Variants in GPR3 observed in about 807,000 individuals in gnomAD.
The protein encoded by GPR3 is ACCA orphan receptor.
In GPR3, 16 loss-of-function variants were observed where a neutral mutation model predicts 18.2. That is an observed-to-expected ratio of 0.88 (90% CI 0.60 to 1.34). The LOEUF is 1.34. GPR3 is among the 40% of genes most tolerant of loss of function. The probability of loss-of-function intolerance (pLI) is 0.00; values close to 1 mark genes in which losing one functional copy is unlikely to be tolerated. For missense variants in GPR3, 326 were observed against 427.6 expected (o/e 0.76, Z 2.10); for synonymous variants, 183 against 188.9 (o/e 0.97, Z 0.26).
chr1:27,394,664 A>G lies in GPR3; in HGVS notation c.866A>G (p.Asn289Ser). 1 of 1,613,738 alleles carries G rather than the reference A, an allele frequency of 6.2e-7. No homozygotes were observed. Among genetic ancestry groups the G allele is most frequent in the African/African-American group, 1.3e-5 (1 of 74,852 alleles). The change falls in exon 2 of 2, where the codon AAC becomes AGC. Residue 289 changes from asparagine to serine, a missense_variant. By Grantham distance (46) the Asn-to-Ser change is conservative. Transcript: ENST00000374024. ...TYLTLLPATY[N>S]SMINPIIYAF... ...CTTACCTTGCTCCCTGCCACCTACA[A>G]CTCCATGATCAACCCTATCATCTAC... is the stretch of plus-strand genomic sequence containing the variant.
chr1:27,394,170 C>T lies in GPR3; in HGVS notation c.372C>T (p.Ile124=), dbSNP rs369388980. 131 of 1,613,816 alleles carry T rather than the reference C, an allele frequency of 8.1e-5. 1 individual carries two copies. The South Asian group carries it at 1.2e-3, about 15-fold the overall frequency. The change falls in exon 2 of 2, where the codon ATC becomes ATT. Residue 124 remains isoleucine, a synonymous_variant. Coordinates refer to ENST00000374024, the MANE Select transcript of GPR3 (RefSeq NM_005281.4). ...TGGCAATGGCCTTTACCGCCAGCAT[C>T]GGCAGTCTACTGGCCATCACTGTCG... ...GVLAMAFTAS[I]GSLLAITVDR... is the part of the protein sequence containing the mutation.
Position 27,394,825 on chromosome 1 carries a change from A to G in GPR3, c.*34A>G, listed in dbSNP as rs765838204. The G allele has an allele frequency of 2.5e-6, 4 of 1,592,892 alleles. No homozygotes were observed. The highest frequency in any genetic ancestry group is 1.7e-6 in the Non-Finnish European group (2 of 1,167,660). The stretch of plus-strand genomic sequence containing the variant: ...TCATGACCCTTCAACCCTGATTACT[A>G]CAGAATTCCAGAATGTTAGGCTCTC... On this transcript the variant is annotated 3_prime_UTR_variant, in exon 2 of 2. Transcript: ENST00000374024.
In GPR3 at chr1:27,394,611, T is replaced by G. The variant is rs756442331; in HGVS notation, c.813T>G (p.Asp271Glu). ...LPFTVYCLLGDAHSPPLYTYL... is the reference protein window; with the variant it reads ...LPFTVYCLLGEAHSPPLYTYL... ...TCACTGTCTACTGCCTGCTGGGTGA[T>G]GCCCACTCTCCACCTCTCTACACCT... The change falls in exon 2 of 2, where the codon GAT (aspartate) becomes GAG (glutamate). Residue 271 changes from aspartate (D) to glutamate (E), a missense_variant. Physicochemically the swap from Asp to Glu is conservative, Grantham distance 45. Coordinates refer to ENST00000374024, the MANE Select transcript of GPR3 (RefSeq NM_005281.4). The G allele has an allele frequency of 3.1e-6, 5 of 1,614,172 alleles. No homozygotes were observed. Among genetic ancestry groups the G allele is most frequent in the Non-Finnish European group, 4.2e-6 (5 of 1,180,028 alleles).
In GPR3 at chr1:27,393,922, G is replaced by A. The variant is rs200096116; in HGVS notation, c.124G>A (p.Ala42Thr). 8 of 1,611,262 alleles carry A rather than the reference G, an allele frequency of 5.0e-6. No individual in the cohort carries two copies. Among genetic ancestry groups the A allele is most frequent in the Non-Finnish European group, 5.9e-6 (7 of 1,179,340 alleles). ...AGCCGCACCACTGCCCTCGCCTAAG[G>A]CCTGGGATGTGGTGCTCTGCATCTC... ...GPAAPLPSPK[A>T]WDVVLCISGT... Residue 42 changes from alanine (A) to threonine (T), a missense_variant, in exon 2 of 2, where the codon GCC becomes ACC. Physicochemically the swap from Ala to Thr is moderately conservative, Grantham distance 58. Coordinates refer to ENST00000374024, the MANE Select transcript of GPR3 (RefSeq NM_005281.4).
chr1:27,394,461 C>A lies in GPR3; in HGVS notation c.663C>A (p.Cys221Ter), dbSNP rs776473652. 6.2e-7 allele frequency: 1 copy of A among 1,614,152 alleles called. No individual in the cohort carries two copies. Among genetic ancestry groups the A allele is most frequent in the South Asian group, 1.1e-5 (1 of 91,088 alleles). ...ACGCCCAAATCTGCCGCATCGTCTG[C>A]CGCCATGCCCAGCAGATTGCCCTTC... Reference protein sequence around the residue: ...QLYAQICRIVCRHAQQIALQR... With the variant: ...QLYAQICRIV The change falls in exon 2 of 2, where the codon TGC becomes TGA. Residue 221 changes from cysteine (C) to a stop codon, truncating the protein, a stop_gained. Transcript: ENST00000374024. LOFTEE classifies it high-confidence loss of function.
At position 27,394,444 on chromosome 1, in the gene GPR3, A is replaced by ATCTGCCGCATCG. The variant is rs1230892017; in HGVS notation, c.655_666dup (p.Ile219_Arg222dup). ...CATCATGCTGCAGCTCTACGCCCAA[A>ATCTGCCGCATCG]TCTGCCGCATCGTCTGCCGCCATGC... is the stretch of plus-strand genomic sequence containing the variant. On this transcript the variant is annotated inframe_insertion, in exon 2 of 2. Coordinates refer to ENST00000374024, the MANE Select transcript of GPR3 (RefSeq NM_005281.4). 1.2e-6 allele frequency: 2 copies of ATCTGCCGCATCG among 1,614,108 alleles called. No homozygotes were observed. The highest frequency in any genetic ancestry group is 2.7e-5 in the African/African-American group (2 of 75,050).
Position 27,394,217 on chromosome 1 carries a change from A to G in GPR3, c.419A>G (p.Asn140Ser), listed in dbSNP as rs1557587962. 1 of 1,613,776 alleles carries G rather than the reference A, an allele frequency of 6.2e-7. No homozygotes were observed. Among genetic ancestry groups the G allele is most frequent in the East Asian group, 2.2e-5 (1 of 44,876 alleles). The change falls in exon 2 of 2, where the codon AAT (asparagine) becomes AGT (serine). Residue 140 changes from asparagine to serine, a missense_variant. Transcript: ENST00000374024. ...GTCGACCGCTACCTTTCTCTGTACA[A>G]TGCCCTCACCTACTATTCAGAGACA... ...ITVDRYLSLY[N>S]ALTYYSETTV...
rs1204857099 is a variant in GPR3, at chr1:27,395,555, T to C, written c.*764T>C. ...AACCAAAAATTCCTCTGCGCTGGGG[T>C]CCGACTGCCCTCTGGTGGCCATTTG... On this transcript the variant is annotated 3_prime_UTR_variant, in exon 2 of 2. Transcript: ENST00000374024. 1 of 167,030 alleles carries C rather than the reference T, an allele frequency of 6.0e-6. No individual in the cohort carries two copies. The highest frequency in any genetic ancestry group is 6.5e-5 in the Admixed American group (1 of 15,284). 10.3% of individuals were successfully genotyped at this position (167,030 alleles called of 1,614,324 possible).
chr1:27,393,504 CCTT>C (rs1259584625), intron 1 of GPR3, among the ~76,000 whole-genome samples: 2 of 152,140 alleles, frequency 1.3e-5, no homozygotes, highest in Non-Finnish European at 2.9e-5. Flanking sequence ...TTATAGTACC[CCTT>C]CTTCTGTCTC....
Position 27,394,846 on chromosome 1 carries a change from C to A in GPR3, c.*55C>A. The A allele has an allele frequency of 6.4e-7, 1 of 1,559,220 alleles. No homozygotes were observed. Among genetic ancestry groups the A allele is most frequent in the Non-Finnish European group, 8.7e-7 (1 of 1,146,446 alleles). On this transcript the variant is annotated 3_prime_UTR_variant, in exon 2 of 2. Coordinates refer to ENST00000374024, the MANE Select transcript of GPR3 (RefSeq NM_005281.4). Reference sequence around the variant, plus strand: ...TACTACAGAATTCCAGAATGTTAGGCTCTCCAGGGCTTCTTTCCAAACCCC... The same window carrying A: ...TACTACAGAATTCCAGAATGTTAGGATCTCCAGGGCTTCTTTCCAAACCCC...
rs1052657958 is a variant in GPR3, at chr1:27,395,124, G to A, written c.*333G>A. ...CTTGACCTTGACCATGTCACTTTAT[G>A]TTTGAATTTCTGAGCTAAAGAGTCA... On this transcript the variant is annotated 3_prime_UTR_variant, in exon 2 of 2. Coordinates refer to ENST00000374024, the MANE Select transcript of GPR3 (RefSeq NM_005281.4). 1.2e-5 allele frequency: 4 copies of A among 325,306 alleles called. No homozygotes were observed. The highest frequency in any genetic ancestry group is 2.4e-5 in the Non-Finnish European group (4 of 167,744). The allele number at this position is 325,306 out of a possible 1,614,324, so 20.2% of individuals were successfully genotyped here.
rs1007492870 is a variant in GPR3, at chr1:27,392,723, G to A, written c.-20G>A. 6.6e-5 allele frequency: 10 copies of A among 152,138 alleles called. No homozygotes were observed. Among genetic ancestry groups the A allele is most frequent in the African/African-American group, 2.2e-4 (9 of 41,446 alleles). The allele number at this position is 152,138 out of a possible 1,614,324, so 9.4% of individuals were successfully genotyped here. ...CGGAGCCTCCCCGCGGCCCGGCCGC[G>A]CCTGGTCCTGAGCGGTGAGTAGCGG... On this transcript the variant is annotated 5_prime_UTR_variant, in exon 1 of 2. Coordinates refer to ENST00000374024, the MANE Select transcript of GPR3 (RefSeq NM_005281.4).
Position 27,393,835 on chromosome 1 carries a change from T to C in GPR3, c.37T>C (p.Ser13Pro), listed in dbSNP as rs769247337. ...TGCAGGCAGCCCTCTGGCCTGGCTC[T>C]CAGCTGGCTCAGGCAACGTGAATGT... The part of the protein sequence containing the change: ...WGAGSPLAWL[S>P]AGSGNVNVSS... Residue 13 changes from serine (S) to proline (P), a missense_variant, in exon 2 of 2, where the codon TCA (serine) becomes CCA (proline). Physicochemically the swap from Ser to Pro is moderately conservative, Grantham distance 74. Coordinates refer to ENST00000374024, the MANE Select transcript of GPR3 (RefSeq NM_005281.4). 2 of 1,566,376 alleles carry C rather than the reference T, an allele frequency of 1.3e-6. No individual in the cohort carries two copies. The highest frequency in any genetic ancestry group is 1.7e-4 in the Middle Eastern group (1 of 5,856).
chr1:27,395,088 C>A lies in GPR3; in HGVS notation c.*297C>A. ...GCCATTCCAAGTCCCAGATGTCCCT[C>A]TTCCCCCAAACTTGACCTTGACCAT... On this transcript the variant is annotated 3_prime_UTR_variant, in exon 2 of 2. Coordinates refer to ENST00000374024, the MANE Select transcript of GPR3 (RefSeq NM_005281.4). The A allele has an allele frequency of 2.4e-6, 1 of 417,898 alleles. No individual in the cohort carries two copies. The allele number at this position is 417,898 out of a possible 1,614,324, so 25.9% of individuals were successfully genotyped here.
chr1:27,393,681 G>A (rs923126723), intron 1 of GPR3, 113 bp from the exon 2 acceptor site: 66 of 880,150 alleles, frequency 7.5e-5, no homozygotes, highest in Non-Finnish European at 1.1e-4. Flanking sequence ...GACCCTATCA[G>A]GTATCCTGAG....
intron 1 of GPR3, among the ~76,000 whole-genome samples, chr1:27,393,505 C>T (rs963332901): frequency 1.3e-5 from 2 of 152,152 alleles, no homozygotes; most frequent in African/African-American, 2.4e-5. Flanking sequence ...TATAGTACCC[C>T]TTCTTCTGTC....
In GPR3 at chr1:27,394,394, C is replaced by T. The variant is rs1388651656; in HGVS notation, c.596C>T (p.Ala199Val). The T allele has an allele frequency of 1.2e-6, 2 of 1,614,126 alleles. No homozygotes were observed. Among genetic ancestry groups the T allele is most frequent in the Non-Finnish European group, 8.5e-7 (1 of 1,180,028 alleles). Reference protein sequence around the residue: ...PLSKNHLVVLAIAFFMVFGIM... With the variant: ...PLSKNHLVVLVIAFFMVFGIM... ...TCCAAGAACCATCTGGTAGTTCTGG[C>T]CATTGCCTTCTTCATGGTGTTTGGC... is the stretch of plus-strand genomic sequence containing the variant. Residue 199 changes from alanine (A) to valine (V), a missense_variant, in exon 2 of 2, where the codon GCC becomes GTC. Physicochemically the swap from Ala to Val is moderately conservative, Grantham distance 64 (BLOSUM62 0). Coordinates refer to ENST00000374024, the MANE Select transcript of GPR3 (RefSeq NM_005281.4).
In GPR3 at chr1:27,393,961, T is replaced by A. The variant is rs1557587689; in HGVS notation, c.163T>A (p.Ser55Thr). 7 of 1,611,636 alleles carry A rather than the reference T, an allele frequency of 4.3e-6. No homozygotes were observed. Among genetic ancestry groups the A allele is most frequent in the Non-Finnish European group, 5.9e-6 (7 of 1,179,392 alleles). Reference sequence around the variant, plus strand: ...GCTCTGCATCTCAGGCACCCTGGTGTCCTGCGAGAATGCGCTAGTGGTGGC... The same window carrying A: ...GCTCTGCATCTCAGGCACCCTGGTGACCTGCGAGAATGCGCTAGTGGTGGC... Reference protein sequence around the residue: ...VVLCISGTLVSCENALVVAII... With the variant: ...VVLCISGTLVTCENALVVAII... The change falls in exon 2 of 2, where the codon TCC becomes ACC. Residue 55 changes from serine to threonine, a missense_variant. Coordinates refer to ENST00000374024, the MANE Select transcript of GPR3 (RefSeq NM_005281.4).
At position 27,394,432 on chromosome 1, in the gene GPR3, C is replaced by T. The variant is rs749456477; in HGVS notation, c.634C>T (p.Leu212Phe). 1 of 1,614,160 alleles carries T rather than the reference C, an allele frequency of 6.2e-7. No homozygotes were observed. The highest frequency in any genetic ancestry group is 8.5e-7 in the Non-Finnish European group (1 of 1,180,036). Residue 212 changes from leucine to phenylalanine, a missense_variant, in exon 2 of 2, where the codon CTC becomes TTC. Leu to Phe is a conservative substitution (Grantham distance 22, BLOSUM62 0). Coordinates refer to ENST00000374024, the MANE Select transcript of GPR3 (RefSeq NM_005281.4). ...CATGGTGTTTGGCATCATGCTGCAGCTCTACGCCCAAATCTGCCGCATCGT... is the reference window on the plus strand; with the variant it reads ...CATGGTGTTTGGCATCATGCTGCAGTTCTACGCCCAAATCTGCCGCATCGT... ...FFMVFGIMLQ[L>F]YAQICRIVCR...
Sources: gnomAD v4.1 joint callset for allele counts (sites outside exome capture counted in the v4.1 genomes callset) on GRCh38, gnomAD v4.1.1 for gene constraint, MANE v1.5 for transcripts, NCBI Gene and HGNC (gene_info 2026-07-23, HGNC 2026-07-21) for gene names.